Variants in ATL2 observed in about 807,000 individuals in gnomAD.
The protein encoded by ATL2 is atlastin-2.
A neutral mutation model predicts 73.9 loss-of-function variants in ATL2; 31 were observed. That is an observed-to-expected ratio of 0.42 (90% CI 0.32 to 0.57). ATL2 has a LOEUF of 0.57. ATL2 is among the 20% of genes least tolerant of loss of function. The pLI is 0.14. For missense variants in ATL2, 738 were observed against 702.6 expected (o/e 1.05, Z -0.57); for synonymous variants, 291 against 237.5 (o/e 1.23, Z -2.07).
chr2:38,315,229 G>A (rs1025131877), intron 5 of ATL2, 55 bp downstream of exon 5: 1 of 1,392,874 alleles, frequency 7.2e-7, no homozygotes, highest in Admixed American at 3.6e-5. Context: ...CTAGTCTGGG[G>A]AACAAGAGCG....
chr2:38,328,119 T>A (rs557489193), intron 2 of ATL2, among the ~76,000 whole-genome samples: 2 of 152,142 alleles, frequency 1.3e-5, no homozygotes, highest in Non-Finnish European at 1.5e-5. Context: ...AAAGCAGTTT[T>A]CAAAATAAGG....
chr2:38,373,667 A>G (rs991990479), intron 1 of ATL2, among the ~76,000 whole-genome samples: 2 of 152,244 alleles, frequency 1.3e-5, no homozygotes, highest in African/African-American at 4.8e-5. Flanking sequence ...ATCCAAGTTT[A>G]GCAATATGTG....
At chr2:38,329,749 T>A (rs977142544) in intron 2 of ATL2, among the ~76,000 whole-genome samples, 1 of 152,088 alleles carries the variant, frequency 6.6e-6, no homozygotes, top group East Asian at 1.9e-4. Flanking sequence ...TTACACACCA[T>A]GATCAAGTGG....
chr2:38,377,297 A>T (rs778053623), upstream of ATL2: 5 of 1,490,578 alleles, frequency 3.4e-6, no homozygotes, highest in Non-Finnish European at 3.6e-6. Flanking sequence ...CACTGACGTC[A>T]AACGCCGCCG....
intron 2 of ATL2, among the ~76,000 whole-genome samples, chr2:38,332,455 C>T (rs576354093): frequency 1.8e-4 from 28 of 152,270 alleles, no homozygotes; most frequent in African/African-American, 6.7e-4. Flanking sequence ...ATCCTCCCAC[C>T]TCGGCCTCCC....
chr2:38,312,726 G>GAAT (rs1667827056), intron 7 of ATL2, among the ~76,000 whole-genome samples: 1 of 122,488 alleles, frequency 8.2e-6, no homozygotes, highest in African/African-American at 3.7e-5. Flanking sequence ...AAAAAAAAAA[G>GAAT]AAGGTGCTTG....
At chr2:38,302,264 G>A (rs909557819) in intron 9 of ATL2, among the ~76,000 whole-genome samples, 1 of 152,078 alleles carries the variant, frequency 6.6e-6, no homozygotes, top group Non-Finnish European at 1.5e-5. Context: ...CACATTCCCA[G>A]ATGTTGTGGC....
chr2:38,359,163 T>C (rs1015994298), intron 1 of ATL2, among the ~76,000 whole-genome samples: 1 of 152,176 alleles, frequency 6.6e-6, no homozygotes, highest in African/African-American at 2.4e-5. Context: ...CATCCTAAAA[T>C]AGACTTTTAA....
In ATL2 at chr2:38,294,903, T is replaced by A. The variant is rs1374269204; in HGVS notation, c.*1091A>T. 1 of 150,302 alleles carries A rather than the reference T, an allele frequency of 6.7e-6. No individual in the cohort carries two copies. Among genetic ancestry groups the A allele is most frequent in the Non-Finnish European group, 1.5e-5 (1 of 67,886 alleles). The allele number at this position is 150,302 out of a possible 1,614,324, so 9.3% of individuals were successfully genotyped here. ...AGTTTCATTTTATATATACAACAAA[T>A]TTTTAATTATGTACTGAAAATAAAT... On this transcript the variant is annotated 3_prime_UTR_variant, in exon 13 of 13. Transcript: ENST00000378954.
At chr2:38,318,676 G>A (rs759582798) in intron 3 of ATL2, 37 bp from the exon 4 acceptor site, 1 of 1,506,594 alleles carries the variant, frequency 6.6e-7, no homozygotes, top group Non-Finnish European at 9.0e-7. Context: ...TAGTAAAACA[G>A]TTGCCAAAAA....
intron 1 of ATL2, among the ~76,000 whole-genome samples, chr2:38,350,771 A>G (rs533235503): frequency 1.3e-5 from 2 of 152,268 alleles, no homozygotes; most frequent in South Asian, 4.1e-4. Context: ...CTAAAAAAAA[A>G]AACCAAAAAA....
intron 2 of ATL2, among the ~76,000 whole-genome samples, chr2:38,319,833 T>C (rs531404811): frequency 2.0e-5 from 3 of 152,092 alleles, no homozygotes; most frequent in East Asian, 3.9e-4. Context: ...TTAGGCTGGG[T>C]GCAGTGGCTC....
intron 2 of ATL2, among the ~76,000 whole-genome samples, chr2:38,334,085 A>G (rs1352668799): frequency 6.8e-6 from 1 of 146,652 alleles, no homozygotes. Flanking sequence ...GCTGGAATAC[A>G]GTGGCATGGT....
intron 1 of ATL2, among the ~76,000 whole-genome samples, chr2:38,349,524 G>A (rs1448891706): frequency 8.9e-6 from 1 of 112,814 alleles, no homozygotes; most frequent in African/African-American, 3.3e-5. Flanking sequence ...GGACTGTTGT[G>A]GGGTGGGGGG....
chr2:38,295,916 G>C lies in ATL2; in HGVS notation c.*78C>G. The C allele has an allele frequency of 1.6e-6, 2 of 1,216,320 alleles. No homozygotes were observed. Among genetic ancestry groups the C allele is most frequent in the Non-Finnish European group, 2.3e-6 (2 of 870,670 alleles). 75.3% of individuals were successfully genotyped at this position (1,216,320 alleles called of 1,614,324 possible). On this transcript the variant is annotated 3_prime_UTR_variant, in exon 13 of 13. Transcript: ENST00000378954. The stretch of plus-strand genomic sequence containing the variant: ...ACTTCTACAGTTGATTGTAAACTTT[G>C]GTTTATTTTTATTTGAGTTCTCATT...
At chr2:38,326,323 C>T (rs1668661741) in intron 2 of ATL2, among the ~76,000 whole-genome samples, 1 of 152,156 alleles carries the variant, frequency 6.6e-6, no homozygotes. Context: ...GCCCATCTCC[C>T]AACTAGATTA....
Position 38,364,640 on chromosome 2 carries a change from G to C in ATL2, c.118+12503C>G, listed in dbSNP as rs80108798. Among the ~76,000 whole-genome samples, 1,052 of 152,288 alleles carry C rather than the reference G, an allele frequency of 6.9e-3. 12 individuals carry two copies. Among genetic ancestry groups the C allele is most frequent in the East Asian group, 0.058 (302 of 5,180 alleles). ...TTTCCGGAAGTATTTTTAGTACAAT[G>C]ACTCTAAGAGCTCCAAGATTTTGTA... On this transcript the variant is annotated intron_variant, in intron 1 of 12. Coordinates refer to ENST00000378954, the MANE Select transcript of ATL2 (RefSeq NM_001135673.4).
chr2:38,353,024 A>G (rs542845280), intron 1 of ATL2, among the ~76,000 whole-genome samples: 1 of 152,320 alleles, frequency 6.6e-6, no homozygotes, highest in South Asian at 2.1e-4. Context: ...ACAATGCATA[A>G]CATTTAATAT....
chr2:38,317,471 C>G (rs1668086650), intron 4 of ATL2, among the ~76,000 whole-genome samples: 1 of 152,090 alleles, frequency 6.6e-6, no homozygotes, highest in South Asian at 2.1e-4. Flanking sequence ...GGATAGAACA[C>G]CAAACACAAT....
Sources: allele counts gnomAD v4.1 joint callset (sites outside exome capture counted in the v4.1 genomes callset), GRCh38; gene constraint gnomAD v4.1.1; transcripts MANE v1.5; gene names NCBI Gene and HGNC (gene_info 2026-07-23, HGNC 2026-07-21).